Variants in TCF19 observed in about 807,000 individuals in gnomAD.
TCF19 encodes transcription factor SC1.
In TCF19, 9 loss-of-function variants were observed where a neutral mutation model predicts 18.3. That is an observed-to-expected ratio of 0.49 (90% confidence interval 0.30 to 0.86). The LOEUF (loss-of-function observed/expected upper bound fraction) is 0.86, where lower values mean the gene tolerates loss of function less well. Among genes scored for constraint, TCF19 ranks in the 40% least tolerant of loss-of-function variants. The pLI, the probability that TCF19 is intolerant of heterozygous loss-of-function variation, is 0.07. For missense variants in TCF19, 376 were observed against 464.3 expected (o/e 0.81, Z 1.75); for synonymous variants, 176 against 185.3 (o/e 0.95, Z 0.41).
At chr6:31,159,853 C>A in intron 2 of TCF19, 146 bp downstream of exon 2, 1 of 850,340 alleles carries the variant, frequency 1.2e-6, no homozygotes, top group Non-Finnish European at 1.8e-6. Context: ...CATCTTCCCA[C>A]CAGAAGTGTG....
Position 31,163,652 on chromosome 6 carries a change from G to C in TCF19, c.*935G>C. The C allele has an allele frequency of 1.0e-6, 1 of 985,494 alleles. No individual in the cohort carries two copies. Among genetic ancestry groups the C allele is most frequent in the African/African-American group, 1.7e-5 (1 of 57,358 alleles). 61.0% of individuals were successfully genotyped at this position (985,494 alleles called of 1,614,324 possible). ...AGGGCAACTGGGCTGGCCTGGTTCA[G>C]TGTGAATCAAACCGCTTAACCCACA... On this transcript the variant is annotated 3_prime_UTR_variant, in exon 4 of 4. Coordinates refer to ENST00000376257, the MANE Select transcript of TCF19 (RefSeq NM_007109.3).
At chr6:31,160,466 T>TA (rs1776689074) in intron 2 of TCF19, among the ~76,000 whole-genome samples, 2 of 151,856 alleles carry the variant, frequency 1.3e-5, no homozygotes, top group African/African-American at 4.8e-5. Context: ...ATTAATTTTT[T>TA]TAAAAAAGCC....
Position 31,163,500 on chromosome 6 carries a change from TAGC to T in TCF19, c.*786_*788del. On this transcript the variant is annotated 3_prime_UTR_variant, in exon 4 of 4. Transcript: ENST00000376257. ...TGGGATTTGGTTAAGTTCACAAAGA[TAGC>T]AGAAGATTTATTTACAGGCTTCACC... 1 of 985,468 alleles carries T rather than the reference TAGC, an allele frequency of 1.0e-6. No homozygotes were observed. Among genetic ancestry groups the T allele is most frequent in the Non-Finnish European group, 1.2e-6 (1 of 829,942 alleles). The allele number at this position is 985,468 out of a possible 1,614,324, so 61.0% of individuals were successfully genotyped here. A position where few individuals can be genotyped will look rare whatever the true frequency, so the allele number is the denominator to read the frequency against.
rs150780919 is a variant in TCF19, at chr6:31,163,181, G to A, written c.*464G>A. 27 of 1,001,512 alleles carry A rather than the reference G, an allele frequency of 2.7e-5. No individual in the cohort carries two copies. The highest frequency in any genetic ancestry group is 1.0e-4 in the African/African-American group (6 of 57,812). The allele number at this position is 1,001,512 out of a possible 1,614,324, so 62.0% of individuals were successfully genotyped here. On this transcript the variant is annotated 3_prime_UTR_variant, in exon 4 of 4. Transcript: ENST00000376257. ...GTCCTGCTGCCAACAAAATCGTAGCGACCTGGCTTTTCACAGCTTTGCTTT... is the reference window on the plus strand; with the variant it reads ...GTCCTGCTGCCAACAAAATCGTAGCAACCTGGCTTTTCACAGCTTTGCTTT...
chr6:31,162,981 C>A lies in TCF19; in HGVS notation c.*264C>A, dbSNP rs1776903687. On this transcript the variant is annotated 3_prime_UTR_variant, in exon 4 of 4. Coordinates refer to ENST00000376257, the MANE Select transcript of TCF19 (RefSeq NM_007109.3). This position sits in a 1 kb window ranked among gnomAD's most constrained non-coding sequence, Gnocchi z 4.5. ...GTTCCCACTATTACAAGCCATAAGG[C>A]CATGTTGCCATGGACACCAGAATAT... The A allele has an allele frequency of 1.5e-6, 2 of 1,369,890 alleles. No individual in the cohort carries two copies. Among genetic ancestry groups the A allele is most frequent in the South Asian group, 1.8e-5 (1 of 55,040 alleles). 84.9% of individuals were successfully genotyped at this position (1,369,890 alleles called of 1,614,324 possible).
rs1478004117 is a variant in TCF19, at chr6:31,161,562, C to T, written c.354C>T (p.Tyr118=). 3 of 1,594,878 alleles carry T rather than the reference C, an allele frequency of 1.9e-6. No homozygotes were observed. Among genetic ancestry groups the T allele is most frequent in the Non-Finnish European group, 2.6e-6 (3 of 1,172,196 alleles). ...CAGGAACCAGCCCCTCGGAGTTCTA[C>T]TTCATGTTCCAACAAGTACGAGTCA... ...GPPGTSPSEF[Y]FMFQQVRVKP... The change falls in exon 3 of 4, where the codon TAC becomes TAT. Residue 118 remains tyrosine, a synonymous_variant. Transcript: ENST00000376257.
Position 31,159,359 on chromosome 6 carries a change from C to G in TCF19, c.-111C>G. 1.0e-6 allele frequency: 1 copy of G among 997,592 alleles called. No homozygotes were observed. The highest frequency in any genetic ancestry group is 1.7e-5 in the South Asian group (1 of 58,920). 61.8% of individuals were successfully genotyped at this position (997,592 alleles called of 1,614,324 possible). A position where few individuals can be genotyped will look rare whatever the true frequency, so the allele number is the denominator to read the frequency against. ...AGTTGAAACCGCATACAGCACAACT[C>G]AAGTTTGCATCAGACTGGGAAGCGA... On this transcript the variant is annotated 5_prime_UTR_variant, in exon 2 of 4. Coordinates refer to ENST00000376257, the MANE Select transcript of TCF19 (RefSeq NM_007109.3).
At position 31,162,013 on chromosome 6, in the gene TCF19, G is replaced by C; in HGVS notation, c.797+8G>C. 1 of 1,598,382 alleles carries C rather than the reference G, an allele frequency of 6.3e-7. No homozygotes were observed. The highest frequency in any genetic ancestry group is 1.1e-5 in the South Asian group (1 of 89,352). On this transcript the variant is annotated splice_region_variant and intron_variant, in intron 3 of 3. Coordinates refer to ENST00000376257, the MANE Select transcript of TCF19 (RefSeq NM_007109.3). The surrounding 1 kb of genome is among the most constrained non-coding windows in gnomAD (Gnocchi z 4.5). ...CCCACTGACTCCCACTGGGTAAGTG[G>C]AGTCCTCACTTGGCCCTCTCAGTGT... is the stretch of plus-strand genomic sequence containing the variant.
Position 31,163,099 on chromosome 6 carries a change from C to A in TCF19, c.*382C>A. 1 of 1,059,150 alleles carries A rather than the reference C, an allele frequency of 9.4e-7. No individual in the cohort carries two copies. Among genetic ancestry groups the A allele is most frequent in the Non-Finnish European group, 1.1e-6 (1 of 876,040 alleles). 65.6% of individuals were successfully genotyped at this position (1,059,150 alleles called of 1,614,324 possible). ...TCTTAAGGTTCTTGGTGGCATCACC[C>A]AAGGCATTCTGGGAAAACCTAGGGC... On this transcript the variant is annotated 3_prime_UTR_variant, in exon 4 of 4. Transcript: ENST00000376257.
At position 31,159,315 on chromosome 6, in the gene TCF19, ATTC is replaced by A. The variant is rs2151087594; in HGVS notation, c.-154_-152del. 1.4e-6 allele frequency: 1 copy of A among 707,766 alleles called. No individual in the cohort carries two copies. The highest frequency in any genetic ancestry group is 1.8e-5 in the African/African-American group (1 of 55,720). The allele number at this position is 707,766 out of a possible 1,614,324, so 43.8% of individuals were successfully genotyped here. ...GCTGCTTGCACTCTGAATTTGGGCT[ATTC>A]AGGTAGTGTGCTCAAAGTTGAAACC... On this transcript the variant is annotated 5_prime_UTR_variant, in exon 2 of 4. Coordinates refer to ENST00000376257, the MANE Select transcript of TCF19 (RefSeq NM_007109.3).
chr6:31,163,772 T>C lies in TCF19; in HGVS notation c.*1055T>C, dbSNP rs923762510. 1.1e-4 allele frequency: 105 copies of C among 985,310 alleles called. No homozygotes were observed. The highest frequency in any genetic ancestry group is 1.2e-4 in the Non-Finnish European group (103 of 829,964). 61.0% of individuals were successfully genotyped at this position (985,310 alleles called of 1,614,324 possible). On this transcript the variant is annotated 3_prime_UTR_variant, in exon 4 of 4. Coordinates refer to ENST00000376257, the MANE Select transcript of TCF19 (RefSeq NM_007109.3). Reference sequence around the variant, plus strand: ...AGAAATAAAGCCTTATCTTGACCTGTTCTATTAAAACCTGCCACACCCGCC... The same window carrying C: ...AGAAATAAAGCCTTATCTTGACCTGCTCTATTAAAACCTGCCACACCCGCC...
rs758010030 is a variant in TCF19 at position 31,159,719 on chromosome 6, G to C, written c.238+12G>C. 3 of 1,613,686 alleles carry C rather than the reference G, an allele frequency of 1.9e-6. No individual in the cohort carries two copies. The African/African-American group carries it at 4.0e-5, about 22-fold the overall frequency. ...CCACAGCAGCCAAGGTGAGCATTAA[G>C]CAGGGCAGCTTTGCCCCTGGGTGGT... is the stretch of plus-strand genomic sequence containing the variant. On this transcript the variant is annotated intron_variant, in intron 2 of 3. Transcript: ENST00000376257.
chr6:31,161,183 AAAAG>A (rs1776751750), intron 2 of TCF19, among the ~76,000 whole-genome samples: 11 of 148,224 alleles, frequency 7.4e-5, no homozygotes, highest in African/African-American at 2.7e-4. Context: ...GAAAGAAAAA[AAAAG>A]AAGAAAGAAA....
intron 2 of TCF19, 68 bp downstream of exon 2, chr6:31,159,775 C>T: frequency 2.0e-6 from 3 of 1,511,242 alleles, no homozygotes; most frequent in Non-Finnish European, 2.7e-6. Flanking sequence ...AGTAAGGTCT[C>T]CACAAGACCC....
In TCF19 at chr6:31,161,601, T is replaced by C; in HGVS notation, c.393T>C (p.Phe131=). 6.3e-7 allele frequency: 1 copy of C among 1,585,734 alleles called. No individual in the cohort carries two copies. Among genetic ancestry groups the C allele is most frequent in the African/African-American group, 1.4e-5 (1 of 73,882 alleles). The part of the protein sequence containing the change: ...FQQVRVKPQD[F]AAITIPRSRG... ...AAGTACGAGTCAAGCCTCAGGACTT[T>C]GCTGCCATTACCATCCCACGGTCTA... The change falls in exon 3 of 4, where the codon TTT becomes TTC. Residue 131 remains phenylalanine, a synonymous_variant. Coordinates refer to ENST00000376257, the MANE Select transcript of TCF19 (RefSeq NM_007109.3).
Position 31,162,999 on chromosome 6 carries a change from C to G in TCF19, c.*282C>G. On this transcript the variant is annotated 3_prime_UTR_variant, in exon 4 of 4. Coordinates refer to ENST00000376257, the MANE Select transcript of TCF19 (RefSeq NM_007109.3). This position sits in a 1 kb window ranked among gnomAD's most constrained non-coding sequence, Gnocchi z 4.5. ...CATAAGGCCATGTTGCCATGGACAC[C>G]AGAATATCTGTAGTCAGAGCACCTA... 1 of 1,328,616 alleles carries G rather than the reference C, an allele frequency of 7.5e-7. No individual in the cohort carries two copies. The allele number at this position is 1,328,616 out of a possible 1,614,324, so 82.3% of individuals were successfully genotyped here.
rs1426935984 is a variant in TCF19, at chr6:31,163,690, G to A, written c.*973G>A. On this transcript the variant is annotated 3_prime_UTR_variant, in exon 4 of 4. Transcript: ENST00000376257. ...CGCTTAACCCACACATGGTACATGT[G>A]ATTTTCTTTTGTGAGCCTTACACCA... 3.0e-6 allele frequency: 3 copies of A among 985,434 alleles called. No homozygotes were observed. Among genetic ancestry groups the A allele is most frequent in the Non-Finnish European group, 3.6e-6 (3 of 829,938 alleles). The allele number at this position is 985,434 out of a possible 1,614,324, so 61.0% of individuals were successfully genotyped here.
Position 31,163,733 on chromosome 6 carries a change from A to G in TCF19, c.*1016A>G, listed in dbSNP as rs149963641. 12 of 985,498 alleles carry G rather than the reference A, an allele frequency of 1.2e-5. No individual in the cohort carries two copies. In the African/African-American group the frequency reaches 2.1e-4, roughly 17 times the overall value. The allele number at this position is 985,498 out of a possible 1,614,324, so 61.0% of individuals were successfully genotyped here. On this transcript the variant is annotated 3_prime_UTR_variant, in exon 4 of 4. Coordinates refer to ENST00000376257, the MANE Select transcript of TCF19 (RefSeq NM_007109.3). ...TTACACCAAGCCAAACTATTGTCAA[A>G]GCATCATTTCTATAGAAATAAAGCC...
Position 31,161,834 on chromosome 6 carries a change from G to T in TCF19, c.626G>T (p.Gly209Val), listed in dbSNP as rs547363069. The T allele has an allele frequency of 3.1e-6, 5 of 1,612,952 alleles. No homozygotes were observed. In the East Asian group the frequency reaches 1.1e-4, roughly 36 times the overall value. ...AGCCTGCCTGTTCCCGCCCCACCTG[G>T]GGAAATGGGGACCACGCCTTCTGCT... ...PKSLPVPAPP[G>V]EMGTTPSAPP... The change falls in exon 3 of 4, where the codon GGG becomes GTG. Residue 209 changes from glycine to valine, a missense_variant. Coordinates refer to ENST00000376257, the MANE Select transcript of TCF19 (RefSeq NM_007109.3).
Sources: allele counts gnomAD v4.1 joint callset (sites outside exome capture counted in the v4.1 genomes callset), GRCh38; gene constraint gnomAD v4.1.1; non-coding constraint Gnocchi (gnomAD v3.1); transcripts MANE v1.5; gene names NCBI Gene and HGNC (gene_info 2026-07-23, HGNC 2026-07-21).